The following CNTN5 variants were observed in gnomAD, a reference collection of about 807,000 sequenced individuals.
CNTN5 encodes the protein contactin-5.
Under a neutral mutation model 129.1 loss-of-function variants are expected in CNTN5, and 77 were observed. The observed-to-expected ratio is 0.60, with a 90% confidence interval of 0.50 to 0.72. The LOEUF is 0.72. Ranked by LOEUF, CNTN5 falls within the 30% of genes least tolerant of loss-of-function variation. The probability of loss-of-function intolerance (pLI) is 0.00; values close to 1 mark genes in which losing one functional copy is unlikely to be tolerated. For synonymous variants in CNTN5, 509 were observed against 465.6 expected, an observed-to-expected ratio of 1.09 and a Z score of -1.20; for missense variants, 1,478 against 1,328.8, an observed-to-expected ratio of 1.11 and a Z score of -1.75.
intron 3 of CNTN5, among the ~76,000 whole-genome samples, chr11:99,739,998 C>T (rs1401254696): frequency 6.6e-6 from 1 of 152,050 alleles, no homozygotes; most frequent in Non-Finnish European, 1.5e-5. Flanking sequence ...TACTAATTTA[C>T]CCACACTTGG....
chr11:99,938,860 A>G (rs895540178), intron 7 of CNTN5, among the ~76,000 whole-genome samples: 2 of 152,116 alleles, frequency 1.3e-5, no homozygotes, highest in East Asian at 1.9e-4. Flanking sequence ...GAAATAATAA[A>G]TGGTAAAGGA....
intron 3 of CNTN5, among the ~76,000 whole-genome samples, chr11:99,690,778 G>A (rs900811436): frequency 1.3e-5 from 2 of 152,050 alleles, no homozygotes; most frequent in Admixed American, 6.6e-5. Context: ...CTCATAGAAC[G>A]AGTTAGGGAG....
intron 16 of CNTN5, among the ~76,000 whole-genome samples, chr11:100,250,303 C>A (rs968993071): frequency 2.0e-5 from 3 of 152,148 alleles, no homozygotes; most frequent in Non-Finnish European, 4.4e-5. Context: ...TTAAAACATT[C>A]TTTTACTTGT....
intron 1 of CNTN5, among the ~76,000 whole-genome samples, chr11:99,191,700 A>G (rs902620862): frequency 2.0e-5 from 3 of 151,820 alleles, no homozygotes; most frequent in Non-Finnish European, 4.4e-5. Context: ...ATTAAACAAC[A>G]TGTTTCTGAA....
chr11:100,259,679 C>G (rs1343666081), intron 17 of CNTN5, among the ~76,000 whole-genome samples: 1 of 151,878 alleles, frequency 6.6e-6, no homozygotes, highest in African/African-American at 2.4e-5. Flanking sequence ...ACTGAAAAAC[C>G]TGCTCCTGAA....
At chr11:99,690,004 C>T (rs1953973155) in intron 3 of CNTN5, among the ~76,000 whole-genome samples, 1 of 152,126 alleles carries the variant, frequency 6.6e-6, no homozygotes, top group Admixed American at 6.5e-5. Context: ...AATCTTTGCC[C>T]ATGCCTATGT....
chr11:100,298,889 T>G (rs1951156908), intron 19 of CNTN5, among the ~76,000 whole-genome samples: 1 of 151,440 alleles, frequency 6.6e-6, no homozygotes, highest in African/African-American at 2.4e-5. Context: ...CATGACTAAT[T>G]GGAGCAAATT....
intron 3 of CNTN5, among the ~76,000 whole-genome samples, chr11:99,623,054 G>A (rs774389565): frequency 6.6e-6 from 1 of 152,090 alleles, no homozygotes; most frequent in Admixed American, 6.6e-5. Flanking sequence ...ATAGATAGCA[G>A]TACATTGTTC....
chr11:99,238,990 G>A (rs1226402739), intron 1 of CNTN5, among the ~76,000 whole-genome samples: 1 of 151,718 alleles, frequency 6.6e-6, no homozygotes, highest in Non-Finnish European at 1.5e-5. Context: ...ATAACTTTTT[G>A]ACTCTATGAC....
chr11:99,627,879 C>G (rs1951187467), intron 3 of CNTN5, among the ~76,000 whole-genome samples: 1 of 150,396 alleles, frequency 6.6e-6, no homozygotes, highest in Admixed American at 6.7e-5. Context: ...TCCCCTGTTC[C>G]TAGGTTTGTT....
chr11:99,188,483 A>G (rs1275817510), intron 1 of CNTN5, among the ~76,000 whole-genome samples: 2 of 151,826 alleles, frequency 1.3e-5, no homozygotes, highest in Admixed American at 1.3e-4. Context: ...ATGAGCTCTC[A>G]GTGTATAGAA....
At chr11:100,210,109 G>A (rs1471904984) in intron 15 of CNTN5, among the ~76,000 whole-genome samples, 8 of 150,366 alleles carry the variant, frequency 5.3e-5, no homozygotes, top group Non-Finnish European at 1.0e-4. Context: ...GCCGGGGCCA[G>A]TGGATCACCT....
intron 6 of CNTN5, among the ~76,000 whole-genome samples, chr11:99,897,517 G>T (rs1051712883): frequency 6.6e-6 from 1 of 151,686 alleles, no homozygotes; most frequent in Admixed American, 6.6e-5. Flanking sequence ...AAAAAAAAAT[G>T]TCAGCTAAGA....
intron 1 of CNTN5, among the ~76,000 whole-genome samples, chr11:99,041,900 C>A (rs573219851): frequency 6.6e-6 from 1 of 152,248 alleles, no homozygotes; most frequent in Admixed American, 6.5e-5. Flanking sequence ...AGAAACAATA[C>A]AAAAGTATAT....
At chr11:99,128,427 G>A (rs373295072) in intron 1 of CNTN5, among the ~76,000 whole-genome samples, 4 of 152,020 alleles carry the variant, frequency 2.6e-5, no homozygotes, top group East Asian at 3.9e-4. Flanking sequence ...TTCTCACTGG[G>A]CAGGGCCTCA....
chr11:100,107,357 T>C (rs974753773), intron 13 of CNTN5, among the ~76,000 whole-genome samples: 6 of 152,184 alleles, frequency 3.9e-5, no homozygotes, highest in Admixed American at 2.0e-4. Context: ...ATGAGGTCAA[T>C]AGACTTAATG....
intron 7 of CNTN5, among the ~76,000 whole-genome samples, chr11:99,953,088 G>A (rs1950714789): frequency 6.6e-6 from 1 of 152,140 alleles, no homozygotes; most frequent in Non-Finnish European, 1.5e-5. Flanking sequence ...GAATCACTGT[G>A]ATTACTCATT....
intron 21 of CNTN5, among the ~76,000 whole-genome samples, chr11:100,320,679 T>C (rs1951673031): frequency 6.6e-6 from 1 of 152,208 alleles, no homozygotes; most frequent in Non-Finnish European, 1.5e-5. Flanking sequence ...CTAGTAGTTT[T>C]ACAGTTTTAT....
intron 3 of CNTN5, among the ~76,000 whole-genome samples, chr11:99,597,344 A>G (rs1413040518): frequency 6.6e-6 from 1 of 152,084 alleles, no homozygotes; most frequent in East Asian, 1.9e-4. Context: ...TATGCTTTCA[A>G]TTCCTTCAGG....
Sources: gnomAD v4.1 joint callset for allele counts (sites outside exome capture counted in the v4.1 genomes callset) on GRCh38, gnomAD v4.1.1 for gene constraint, MANE v1.5 for transcripts, NCBI Gene and HGNC (gene_info 2026-07-23, HGNC 2026-07-21) for gene names.